The following TTC8 variants were observed in gnomAD, a reference collection of about 807,000 sequenced individuals.
TTC8 encodes the protein tetratricopeptide repeat domain 8.
A neutral mutation model predicts 72.5 loss-of-function variants in TTC8; 47 were observed. The observed-to-expected ratio is 0.65, with a 90% CI of 0.51 to 0.83. TTC8 has a LOEUF of 0.83. Among genes scored for constraint, TTC8 ranks in the 40% least tolerant of loss-of-function variants. The probability of loss-of-function intolerance (pLI) is 0.00; values close to 1 mark genes in which losing one functional copy is unlikely to be tolerated. For synonymous variants in TTC8, 199 were observed against 221.4 expected (o/e 0.90, Z 0.90); for missense variants, 611 against 623.2 (o/e 0.98, Z 0.21).
intron 7 of TTC8, chr14:88,846,751 A>G (rs2094808683): frequency 2.4e-6 from 2 of 840,668 alleles, no homozygotes; most frequent in Admixed American, 6.1e-5. Flanking sequence ...ATTTTTACAT[A>G]TTATGTTAGT....
intron 6 of TTC8, 75 bp downstream of exon 6, chr14:88,841,589 TA>T: frequency 8.0e-7 from 1 of 1,250,330 alleles, no homozygotes. Flanking sequence ...AGAAAATGAA[TA>T]AAAACTTGTG....
intron 8 of TTC8, among the ~76,000 whole-genome samples, chr14:88,853,649 A>G (rs754685966): frequency 4.6e-5 from 7 of 152,194 alleles, no homozygotes; most frequent in Non-Finnish European, 7.4e-5. Flanking sequence ...TCTGACGCCA[A>G]TTCTCTTGCT....
At chr14:88,845,501 T>A (rs2094802124) in intron 7 of TTC8, among the ~76,000 whole-genome samples, 2 of 152,066 alleles carry the variant, frequency 1.3e-5, no homozygotes, top group South Asian at 4.1e-4. Context: ...ATAGATGTGG[T>A]TATGTAGGGA....
intron 10 of TTC8, among the ~76,000 whole-genome samples, chr14:88,866,227 A>G (rs1296650735): frequency 6.6e-6 from 1 of 152,176 alleles, no homozygotes; most frequent in African/African-American, 2.4e-5. Flanking sequence ...CTAAATGGCA[A>G]AAACAAAAAA....
chr14:88,845,065 C>G (rs1412244641), intron 7 of TTC8, among the ~76,000 whole-genome samples: 1 of 151,646 alleles, frequency 6.6e-6, no homozygotes, highest in Non-Finnish European at 1.5e-5. Flanking sequence ...TAGTAAAGAT[C>G]CATGAAAATA....
chr14:88,869,841 T>G (rs1285894026), intron 10 of TTC8, among the ~76,000 whole-genome samples: 1 of 152,160 alleles, frequency 6.6e-6, no homozygotes, highest in African/African-American at 2.4e-5. Flanking sequence ...TCTCTTATAT[T>G]ACATATTTGT....
chr14:88,874,009 G>T (rs983623559), intron 13 of TTC8, among the ~76,000 whole-genome samples: 1 of 152,200 alleles, frequency 6.6e-6, no homozygotes. Context: ...AGATAGATTT[G>T]TAGTTTACAG....
intron 1 of TTC8, among the ~76,000 whole-genome samples, chr14:88,827,206 T>C (rs1222651504): frequency 6.6e-6 from 1 of 152,178 alleles, no homozygotes; most frequent in Non-Finnish European, 1.5e-5. Context: ...GGACTTGATA[T>C]ATATTCATCT....
chr14:88,824,596 A>G, upstream of TTC8: 1 of 821,226 alleles, frequency 1.2e-6, no homozygotes, highest in Admixed American at 2.2e-5. Context: ...CACCTCTCGG[A>G]CAAGGCCCCA....
intron 9 of TTC8, among the ~76,000 whole-genome samples, chr14:88,859,178 C>A (rs906373349): frequency 3.3e-5 from 5 of 151,962 alleles, no homozygotes; most frequent in Non-Finnish European, 7.4e-5. Context: ...TAATAGAGAT[C>A]AAGCAGATTT....
chr14:88,872,155 T>C (rs1241369328), intron 12 of TTC8, among the ~76,000 whole-genome samples, 175 bp from the exon 13 acceptor site: 1 of 152,240 alleles, frequency 6.6e-6, no homozygotes, highest in Admixed American at 6.5e-5. Flanking sequence ...CTGGGAGTCA[T>C]TGCGGCTCAT....
chr14:88,828,648 T>C (rs1205593537), intron 1 of TTC8, among the ~76,000 whole-genome samples: 1 of 152,214 alleles, frequency 6.6e-6, no homozygotes, highest in Non-Finnish European at 1.5e-5. Context: ...ATAATGTCAT[T>C]TTTCACTTTT....
chr14:88,871,716 T>G lies in TTC8; in HGVS notation c.1217T>G (p.Val406Gly). Reference protein sequence around the residue: ...AADVWYNLGHVAVGIGDTNLA... With the variant: ...AADVWYNLGHGAVGIGDTNLA... ...GATGTCTGGTACAACTTGGGACATG[T>G]AGCTGTGGTATGTTGTCTTACTGAT... Residue 406 changes from valine to glycine, a missense_variant, in exon 12 of 15, where the codon GTA (valine) becomes GGA (glycine). Transcript: ENST00000380656. The surrounding 1 kb of genome is among the most constrained non-coding windows in gnomAD (Gnocchi z 4.1). 6.2e-7 allele frequency: 1 copy of G among 1,614,110 alleles called. No homozygotes were observed. The highest frequency in any genetic ancestry group is 8.5e-7 in the Non-Finnish European group (1 of 1,179,984).
chr14:88,873,996 G>A lies in TTC8; in HGVS notation c.1348-1030G>A, dbSNP rs565691306. Among the ~76,000 whole-genome samples, 5 of 152,276 alleles carry A rather than the reference G, an allele frequency of 3.3e-5. No homozygotes were observed. The East Asian group carries it at 9.6e-4, about 29-fold the overall frequency. ...TATTGCATAAATTCTCCCAAAGTAAGGAAGATAGATTTGTAGTTTACAGAC... is the reference window on the plus strand; with the variant it reads ...TATTGCATAAATTCTCCCAAAGTAAAGAAGATAGATTTGTAGTTTACAGAC... On this transcript the variant is annotated intron_variant, in intron 13 of 14. Coordinates refer to ENST00000380656, the MANE Select transcript of TTC8 (RefSeq NM_144596.4).
chr14:88,858,754 ATTTTTTTTTT>A (rs138871136), intron 9 of TTC8, among the ~76,000 whole-genome samples: 3 of 86,906 alleles, frequency 3.5e-5, no homozygotes, highest in African/African-American at 1.7e-4. Flanking sequence ...TGCCTGGATA[ATTTTTTTTTT>A]TTTTTTTTTT....
At chr14:88,866,393 ACACACACACACACACACACACG>A (rs1319903437) in intron 10 of TTC8, among the ~76,000 whole-genome samples, 1 of 151,194 alleles carries the variant, frequency 6.6e-6, no homozygotes, top group Non-Finnish European at 1.5e-5. Context: ...ACACACACAC[ACACACACACACACACACACACG>A]CACACACAAA....
At chr14:88,838,743 C>T (rs1033827753) in intron 2 of TTC8, among the ~76,000 whole-genome samples, 3 of 152,024 alleles carry the variant, frequency 2.0e-5, no homozygotes, top group African/African-American at 7.2e-5. Flanking sequence ...AAATATTTGC[C>T]AGTTTAGATT....
chr14:88,824,298 T>C (rs915410999), upstream of TTC8: 6 of 183,978 alleles, frequency 3.3e-5, no homozygotes, highest in African/African-American at 4.8e-5. Flanking sequence ...ATGGAAGAAG[T>C]AGGACAGACA....
chr14:88,856,496 C>T (rs2094856771), intron 8 of TTC8, among the ~76,000 whole-genome samples: 1 of 152,096 alleles, frequency 6.6e-6, no homozygotes. Context: ...CTATTAAGGA[C>T]ATGAATGAAT....
Sources: allele counts gnomAD v4.1 joint callset (sites outside exome capture counted in the v4.1 genomes callset), GRCh38; gene constraint gnomAD v4.1.1; non-coding constraint Gnocchi (gnomAD v3.1); transcripts MANE v1.5; gene names NCBI Gene and HGNC (gene_info 2026-07-23, HGNC 2026-07-21).